GUCY1A2: variants seen among roughly 807,000 people sequenced by gnomAD.
GUCY1A2 encodes guanylate cyclase 1 soluble subunit alpha 2, also known as guanylate cyclase soluble subunit alpha-2.
A neutral mutation model predicts 63.5 loss-of-function variants in GUCY1A2; 27 were observed. The ratio of observed to expected loss-of-function variants is 0.43; its 90% CI spans 0.31 to 0.59. The LOEUF (loss-of-function observed/expected upper bound fraction) is 0.59. GUCY1A2 is among the 20% of genes least tolerant of loss of function. The pLI is 0.11. For missense variants in GUCY1A2, 768 were observed against 913.3 expected, an observed-to-expected ratio of 0.84 and a Z score of 2.05; for synonymous variants, 364 against 343.5, an observed-to-expected ratio of 1.06 and a Z score of -0.66.
chr11:106,709,828 A>G (rs1863054513), intron 6 of GUCY1A2, among the ~76,000 whole-genome samples: 1 of 133,164 alleles, frequency 7.5e-6, no homozygotes. Flanking sequence ...TATATATTAT[A>G]TACACGTATA....
At chr11:106,704,184 G>A (rs938649119) in intron 7 of GUCY1A2, among the ~76,000 whole-genome samples, 9 of 151,988 alleles carry the variant, frequency 5.9e-5, no homozygotes, top group African/African-American at 1.9e-4. Flanking sequence ...ATTCATCATG[G>A]CTAAATTTAT....
intron 4 of GUCY1A2, among the ~76,000 whole-genome samples, chr11:106,909,392 C>CGTGTGTGTGTGTGTGT (rs1408056529): frequency 1.3e-4 from 17 of 135,538 alleles, no homozygotes; most frequent in African/African-American, 1.9e-4. Context: ...TGTGTGTGTA[C>CGTGTGTGTGTGTGTGT]GCTTTTCATT....
intron 3 of GUCY1A2, among the ~76,000 whole-genome samples, chr11:106,945,843 A>C (rs1342313622): frequency 6.6e-6 from 1 of 152,168 alleles, no homozygotes. Context: ...GCATGCCTAT[A>C]ATCCCAGCTA....
intron 5 of GUCY1A2, among the ~76,000 whole-genome samples, chr11:106,809,201 C>T (rs1858732078): frequency 6.6e-6 from 1 of 152,020 alleles, no homozygotes; most frequent in Non-Finnish European, 1.5e-5. Context: ...GAAAATAAAA[C>T]CTGCAGCTCA....
At chr11:106,915,828 C>T (rs922251462) in intron 4 of GUCY1A2, among the ~76,000 whole-genome samples, 1 of 145,150 alleles carries the variant, frequency 6.9e-6, no homozygotes, top group East Asian at 2.1e-4. Context: ...GGCATTTGAG[C>T]ATTACAAGCT....
At chr11:106,857,554 A>G (rs954629115) in intron 4 of GUCY1A2, among the ~76,000 whole-genome samples, 2 of 152,104 alleles carry the variant, frequency 1.3e-5, no homozygotes, top group Non-Finnish European at 2.9e-5. Flanking sequence ...CCTGACCTTT[A>G]TTCTAACTCC....
At chr11:106,951,312 G>A (rs1299244070) in intron 3 of GUCY1A2, among the ~76,000 whole-genome samples, 4 of 152,100 alleles carry the variant, frequency 2.6e-5, no homozygotes, top group Non-Finnish European at 2.9e-5. Flanking sequence ...TTGAGGAATC[G>A]CCACACTGTC....
At position 106,978,759 on chromosome 11, in the gene GUCY1A2, T is replaced by C; in HGVS notation, c.366-19A>G. On this transcript the variant is annotated intron_variant, in intron 2 of 7. Transcript: ENST00000526355. ...CCTGTAACTAAGAAGAAAACAAAAT[T>C]AGCATAAGGAGAAATTTTTGAAAGC... 4.4e-6 allele frequency: 7 copies of C among 1,580,738 alleles called. No individual in the cohort carries two copies. The highest frequency in any genetic ancestry group is 6.0e-6 in the Non-Finnish European group (7 of 1,163,494).
chr11:106,915,390 C>T (rs1246489736), intron 4 of GUCY1A2, among the ~76,000 whole-genome samples: 3 of 151,990 alleles, frequency 2.0e-5, no homozygotes, highest in Non-Finnish European at 2.9e-5. Context: ...GTACTACCGA[C>T]GAGGCAATAC....
At chr11:106,904,767 CA>C (rs543493159) in intron 4 of GUCY1A2, among the ~76,000 whole-genome samples, 6 of 145,482 alleles carry the variant, frequency 4.1e-5, no homozygotes, top group African/African-American at 7.6e-5. Context: ...AGTGAGAGCT[CA>C]AAAAAAAACA....
chr11:106,848,672 A>C (rs540081898), intron 4 of GUCY1A2, among the ~76,000 whole-genome samples: 1 of 151,774 alleles, frequency 6.6e-6, no homozygotes, highest in South Asian at 2.1e-4. Context: ...TAATTTGTAC[A>C]CTGGCTTTGA....
chr11:106,706,531 G>C (rs1862914652), intron 7 of GUCY1A2, among the ~76,000 whole-genome samples: 1 of 148,052 alleles, frequency 6.8e-6, no homozygotes, highest in African/African-American at 2.5e-5. Context: ...GCACAGACTT[G>C]TATGGCTGGC....
intron 3 of GUCY1A2, among the ~76,000 whole-genome samples, chr11:106,977,107 AG>A (rs1333719984): frequency 1.3e-5 from 2 of 152,346 alleles, no homozygotes; most frequent in East Asian, 3.9e-4. Flanking sequence ...CGTGAGGGTC[AG>A]GAAAGTGTTT....
At chr11:106,891,205 T>G (rs1565322066) in intron 4 of GUCY1A2, among the ~76,000 whole-genome samples, 1 of 152,164 alleles carries the variant, frequency 6.6e-6, no homozygotes, top group South Asian at 2.1e-4. Flanking sequence ...AATTTACATT[T>G]TTTGATAATG....
At chr11:106,766,437 T>C (rs952484616) in intron 6 of GUCY1A2, among the ~76,000 whole-genome samples, 39 of 152,092 alleles carry the variant, frequency 2.6e-4, no homozygotes, top group African/African-American at 8.7e-4. Flanking sequence ...TATTGAATGT[T>C]TGCATATAAA....
At chr11:106,764,349 G>C (rs1017603145) in intron 6 of GUCY1A2, among the ~76,000 whole-genome samples, 3 of 152,064 alleles carry the variant, frequency 2.0e-5, no homozygotes, top group African/African-American at 7.2e-5. Flanking sequence ...CAGTTGTATT[G>C]TGAGTGGCAG....
At position 106,678,561 on chromosome 11, in the gene GUCY1A2, A is replaced by G. The variant is rs1422678919; in HGVS notation, c.*8988T>C. The G allele has an allele frequency of 4.7e-6, 1 of 212,452 alleles. No homozygotes were observed. The highest frequency in any genetic ancestry group is 9.5e-6 in the Non-Finnish European group (1 of 104,826). 13.2% of individuals were successfully genotyped at this position (212,452 alleles called of 1,614,324 possible). On this transcript the variant is annotated 3_prime_UTR_variant, in exon 8 of 8. Coordinates refer to ENST00000526355, the MANE Select transcript of GUCY1A2 (RefSeq NM_000855.3). ...GTTCTTGGGAGGCAATAAAAGTAGA[A>G]TTGCTGTAGGAATTGAGGTTTCATT... is the stretch of plus-strand genomic sequence containing the variant.
At chr11:106,692,755 T>A (rs1862647134) in intron 7 of GUCY1A2, among the ~76,000 whole-genome samples, 1 of 152,184 alleles carries the variant, frequency 6.6e-6, no homozygotes, top group African/African-American at 2.4e-5. Flanking sequence ...TCTCTGACGA[T>A]AATATGTATG....
chr11:106,865,129 G>GTGTA (rs201395855), intron 4 of GUCY1A2, among the ~76,000 whole-genome samples: 1,997 of 152,146 alleles, frequency 0.013, 43 homozygotes, highest in African/African-American at 0.045. Flanking sequence ...TCTTAGGAGG[G>GTGTA]TGTATGTGTC....
Sources: allele counts gnomAD v4.1 joint callset (sites outside exome capture counted in the v4.1 genomes callset), GRCh38; gene constraint gnomAD v4.1.1; transcripts MANE v1.5; gene names NCBI Gene and HGNC (gene_info 2026-07-23, HGNC 2026-07-21).